Variants in DHTKD1 observed in about 807,000 individuals in gnomAD.
DHTKD1 encodes dehydrogenase E1 and transketolase domain containing 1, also known as 2-oxoadipate dehydrogenase complex component E1.
A neutral mutation model predicts 101.8 loss-of-function variants in DHTKD1; 78 were observed. That is an observed-to-expected ratio of 0.77 (90% CI 0.64 to 0.93). The LOEUF is 0.93. Among genes scored for constraint, DHTKD1 ranks in the 40% least tolerant of loss-of-function variants. The pLI, the probability that DHTKD1 is intolerant of heterozygous loss-of-function variation, is 0.00. For missense variants in DHTKD1, 1,223 were observed against 1,161.7 expected (o/e 1.05, Z -0.77); for synonymous variants, 462 against 450.3 (o/e 1.03, Z -0.33).
At position 12,117,663 on chromosome 10, in the gene DHTKD1, TC is replaced by T; in HGVS notation, c.2320-7del. Reference sequence around the variant, plus strand: ...TGCTTGCTGGATGTGTGGCCTCTTCTCCCTCGTAGGCAGCCGTGTCAACTCT... The same window carrying T: ...TGCTTGCTGGATGTGTGGCCTCTTCTCCTCGTAGGCAGCCGTGTCAACTCT... On this transcript the variant is annotated splice_polypyrimidine_tract_variant and intron_variant, in intron 13 of 16. Transcript: ENST00000263035. 6.4e-7 allele frequency: 1 copy of T among 1,561,008 alleles called. No individual in the cohort carries two copies. Among genetic ancestry groups the T allele is most frequent in the Non-Finnish European group, 8.8e-7 (1 of 1,139,636 alleles).
In DHTKD1 at chr10:12,108,014, A is replaced by C; in HGVS notation, c.2153A>C (p.Gln718Pro). 6.2e-7 allele frequency: 1 copy of C among 1,610,512 alleles called. No homozygotes were observed. Among genetic ancestry groups the C allele is most frequent in the South Asian group, 1.1e-5 (1 of 91,012 alleles). The change falls in exon 12 of 17, where the codon CAG becomes CCG. Residue 718 changes from glutamine to proline, a missense_variant and splice_region_variant. Gln to Pro is a moderately conservative substitution (Grantham distance 76). Coordinates refer to ENST00000263035, the MANE Select transcript of DHTKD1 (RefSeq NM_018706.7). ...TCCTGTCGAATAGAGCGTTTCCTGC[A>C]GGTAAGGGTAACGTCTTCCGGAGTC... is the stretch of plus-strand genomic sequence containing the variant. ...HSSCRIERFL[Q>P]MCDSAEEGVD... is the part of the protein sequence containing the mutation.
intron 1 of DHTKD1, among the ~76,000 whole-genome samples, chr10:12,081,108 G>C (rs1471469084): frequency 6.6e-6 from 1 of 151,804 alleles, no homozygotes; most frequent in Non-Finnish European, 1.5e-5. Flanking sequence ...AGGCCATCCT[G>C]CCTAACATGG....
chr10:12,081,041 C>T (rs1832808638), intron 1 of DHTKD1, among the ~76,000 whole-genome samples: 1 of 151,946 alleles, frequency 6.6e-6, no homozygotes, highest in African/African-American at 2.4e-5. Context: ...TGGCTCACGC[C>T]TGTAATCCCA....
At chr10:12,075,918 A>G (rs1365873466) in intron 1 of DHTKD1, among the ~76,000 whole-genome samples, 1 of 150,406 alleles carries the variant, frequency 6.6e-6, no homozygotes, top group African/African-American at 2.4e-5. Context: ...TTTTAAAACA[A>G]TTTTGACAGA....
chr10:12,100,552 C>T (rs1312900737), intron 9 of DHTKD1, among the ~76,000 whole-genome samples: 3 of 152,084 alleles, frequency 2.0e-5, no homozygotes, highest in East Asian at 1.9e-4. Flanking sequence ...CGTGAGCCAC[C>T]GTGCCCAGCC....
At chr10:12,115,671 A>G (rs904760495) in intron 13 of DHTKD1, among the ~76,000 whole-genome samples, 1 of 152,140 alleles carries the variant, frequency 6.6e-6, no homozygotes, top group Non-Finnish European at 1.5e-5. Flanking sequence ...ACAACCTTAT[A>G]TATTTCTAGG....
At chr10:12,095,878 G>A (rs1331519962) in intron 7 of DHTKD1, among the ~76,000 whole-genome samples, 1 of 150,988 alleles carries the variant, frequency 6.6e-6, no homozygotes, top group African/African-American at 2.4e-5. Context: ...GCGTTGTGGC[G>A]CGTGCCTGTA....
chr10:12,081,184 G>T (rs890841635), intron 1 of DHTKD1, among the ~76,000 whole-genome samples: 5 of 149,870 alleles, frequency 3.3e-5, no homozygotes, highest in African/African-American at 9.8e-5. Context: ...TGAGGCAGGA[G>T]AATGGCGTGA....
intron 1 of DHTKD1, among the ~76,000 whole-genome samples, chr10:12,078,691 T>C (rs977457706): frequency 1.2e-4 from 18 of 152,156 alleles, no homozygotes; most frequent in Admixed American, 1.1e-3. Context: ...TTCTTTTTTC[T>C]TTTTTTGAGA....
chr10:12,115,632 C>T (rs1459087834), intron 13 of DHTKD1, among the ~76,000 whole-genome samples: 1 of 152,176 alleles, frequency 6.6e-6, no homozygotes, highest in Non-Finnish European at 1.5e-5. Flanking sequence ...TAGTGGTCTA[C>T]CGGTTCTTTC....
Position 12,100,193 on chromosome 10 carries a change from A to T in DHTKD1, c.1687A>T (p.Met563Leu). The T allele has an allele frequency of 1.3e-6, 2 of 1,584,304 alleles. No homozygotes were observed. The highest frequency in any genetic ancestry group is 4.6e-5 in the East Asian group (2 of 43,378). ...KTHVQSRMEK[M>L]MDGIKLDWAT... Reference sequence around the variant, plus strand: ...AATTTTACAGTCCAGAATGGAGAAGATGATGGACGGAATCAAGCTAGACTG... The same window carrying T: ...AATTTTACAGTCCAGAATGGAGAAGTTGATGGACGGAATCAAGCTAGACTG... Residue 563 changes from methionine to leucine, a missense_variant, in exon 9 of 17, where the codon ATG (methionine) becomes TTG (leucine). Coordinates refer to ENST00000263035, the MANE Select transcript of DHTKD1 (RefSeq NM_018706.7).
chr10:12,102,147 C>T (rs1235424808), intron 10 of DHTKD1, among the ~76,000 whole-genome samples: 2 of 151,882 alleles, frequency 1.3e-5, no homozygotes, highest in East Asian at 1.9e-4. Context: ...ACTTGGTGGC[C>T]GGGTGTGGTG....
Position 12,112,891 on chromosome 10 carries a change from C to T in DHTKD1, c.2155-9C>T. The T allele has an allele frequency of 6.3e-7, 1 of 1,583,912 alleles. No individual in the cohort carries two copies. The highest frequency in any genetic ancestry group is 1.2e-5 in the South Asian group (1 of 86,470). On this transcript the variant is annotated splice_polypyrimidine_tract_variant and intron_variant, in intron 12 of 16. Coordinates refer to ENST00000263035, the MANE Select transcript of DHTKD1 (RefSeq NM_018706.7). ...ACATTCTTCTCCTTTCTTGCCACTT[C>T]TCTCCCAGATGTGTGACAGTGCGGA...
chr10:12,094,397 C>T (rs1833037185), intron 7 of DHTKD1, 126 bp downstream of exon 7: 2 of 796,934 alleles, frequency 2.5e-6, no homozygotes, highest in African/African-American at 1.7e-5. Context: ...GGCTCACTGC[C>T]ATCTCCACCT....
At chr10:12,114,882 G>A (rs1187868266) in intron 13 of DHTKD1, among the ~76,000 whole-genome samples, 2 of 151,388 alleles carry the variant, frequency 1.3e-5, no homozygotes, top group African/African-American at 2.4e-5. Context: ...TGCAAGCTCC[G>A]CCTCCCGGGT....
At position 12,112,951 on chromosome 10, in the gene DHTKD1, G is replaced by A. The variant is rs761744657; in HGVS notation, c.2206G>A (p.Val736Met). The A allele has an allele frequency of 3.7e-6, 6 of 1,613,658 alleles. No homozygotes were observed. Among genetic ancestry groups the A allele is most frequent in the Admixed American group, 3.3e-5 (2 of 59,902 alleles). ...GVDGDTVNMFVVHPTTPAQYF... is the reference protein window; with the variant it reads ...GVDGDTVNMFMVHPTTPAQYF... ...GGACGGAGACACTGTGAACATGTTT[G>A]TGGTTCACCCAACAACTCCTGCACA... is the stretch of plus-strand genomic sequence containing the variant. Residue 736 changes from valine (V) to methionine (M), a missense_variant, in exon 13 of 17, where the codon GTG (valine) becomes ATG (methionine). Val to Met is a conservative substitution (Grantham distance 21). Coordinates refer to ENST00000263035, the MANE Select transcript of DHTKD1 (RefSeq NM_018706.7).
At chr10:12,070,632 G>T (rs1832638076) in intron 1 of DHTKD1, among the ~76,000 whole-genome samples, 1 of 152,102 alleles carries the variant, frequency 6.6e-6, no homozygotes, top group Non-Finnish European at 1.5e-5. Flanking sequence ...GGGATTACAG[G>T]CACCTGCCAC....
chr10:12,072,461 C>CAATAAATAAATA (rs71382613), intron 1 of DHTKD1, among the ~76,000 whole-genome samples: 1 of 148,402 alleles, frequency 6.7e-6, no homozygotes, highest in African/African-American at 2.5e-5. Context: ...GACTCTGTCT[C>CAATAAATAAATA]AATAAATAAA....
At chr10:12,079,147 G>A (rs1442594973) in intron 1 of DHTKD1, among the ~76,000 whole-genome samples, 3 of 152,070 alleles carry the variant, frequency 2.0e-5, no homozygotes, top group Non-Finnish European at 4.4e-5. Context: ...AGAGTGCAGT[G>A]GTGAGATTTC....
Sources: gnomAD v4.1 joint callset for allele counts (sites outside exome capture counted in the v4.1 genomes callset) on GRCh38, gnomAD v4.1.1 for gene constraint, MANE v1.5 for transcripts, NCBI Gene and HGNC (gene_info 2026-07-23, HGNC 2026-07-21) for gene names.